SIL1: variants seen among roughly 807,000 people sequenced by gnomAD.
SIL1 encodes the protein SIL1 nucleotide exchange factor.
A neutral mutation model predicts 49.1 loss-of-function variants in SIL1; 40 were observed. The ratio of observed to expected loss-of-function variants is 0.81; its 90% CI spans 0.63 to 1.06. The LOEUF (loss-of-function observed/expected upper bound fraction) is 1.06, where lower values mean the gene tolerates loss of function less well. Ranked by LOEUF, SIL1 falls within the 50% of genes least tolerant of loss-of-function variation. The pLI is 0.00. For synonymous variants in SIL1, 253 were observed against 250.8 expected, an observed-to-expected ratio of 1.01 and a Z score of -0.08; for missense variants, 500 against 572.6, an observed-to-expected ratio of 0.87 and a Z score of 1.29.
intron 7 of SIL1, among the ~76,000 whole-genome samples, chr5:138,977,461 G>A (rs1308313570): frequency 6.6e-6 from 1 of 152,050 alleles, no homozygotes; most frequent in Non-Finnish European, 1.5e-5. Flanking sequence ...GCAATCAGAG[G>A]AATCTTTTTT....
intron 7 of SIL1, among the ~76,000 whole-genome samples, chr5:139,010,004 T>C (rs1768217072): frequency 6.6e-6 from 1 of 152,082 alleles, no homozygotes; most frequent in African/African-American, 2.4e-5. Flanking sequence ...ATCTGAATAT[T>C]GGCCTGCCTT....
intron 5 of SIL1, among the ~76,000 whole-genome samples, chr5:139,040,494 T>C (rs974470990): frequency 2.0e-4 from 21 of 107,344 alleles, no homozygotes; most frequent in Admixed American, 8.8e-4. Context: ...CTTTTTTCTT[T>C]TTTCTTTTTT....
chr5:138,962,303 C>T (rs531524673), intron 7 of SIL1, among the ~76,000 whole-genome samples: 5 of 149,442 alleles, frequency 3.3e-5, no homozygotes, highest in African/African-American at 1.3e-4. Context: ...GGACTTTTTC[C>T]ATTTTTTTTT....
intron 7 of SIL1, among the ~76,000 whole-genome samples, chr5:139,020,840 C>G (rs908407194): frequency 6.6e-6 from 1 of 152,146 alleles, no homozygotes; most frequent in Non-Finnish European, 1.5e-5. Context: ...AGCTTTACTG[C>G]CAAAAGACCT....
At chr5:139,119,290 C>A (rs1750555809) in intron 3 of SIL1, among the ~76,000 whole-genome samples, 1 of 152,166 alleles carries the variant, frequency 6.6e-6, no homozygotes, top group Non-Finnish European at 1.5e-5. Context: ...GCCCCACTGC[C>A]CAGAGGGTTG....
intron 6 of SIL1, 58 bp downstream of exon 6, chr5:139,026,743 G>A: frequency 4.7e-6 from 7 of 1,483,408 alleles, no homozygotes; most frequent in Non-Finnish European, 6.6e-6. Context: ...GCTTAGGGAA[G>A]GGGGATTTAT....
At chr5:138,974,228 C>T (rs1445174748) in intron 7 of SIL1, among the ~76,000 whole-genome samples, 1 of 152,134 alleles carries the variant, frequency 6.6e-6, no homozygotes, top group East Asian at 1.9e-4. Context: ...AGAGGGAAGG[C>T]AGCCTTTATA....
chr5:138,999,292 G>C (rs571257032), intron 7 of SIL1, among the ~76,000 whole-genome samples: 12 of 152,102 alleles, frequency 7.9e-5, no homozygotes, highest in Non-Finnish European at 1.8e-4. Context: ...TTGATTCCTA[G>C]GTATTCTTCA....
At chr5:139,079,473 G>A (rs1770024252) in intron 3 of SIL1, among the ~76,000 whole-genome samples, 1 of 152,106 alleles carries the variant, frequency 6.6e-6, no homozygotes. Context: ...AAAGCTCAAG[G>A]GCCATCTCCA....
chr5:139,048,352 G>A (rs1769212578), intron 4 of SIL1, among the ~76,000 whole-genome samples: 2 of 132,220 alleles, frequency 1.5e-5, no homozygotes, highest in South Asian at 4.9e-4. Context: ...TTTCTGTTTT[G>A]CTTTTTTTTG....
chr5:138,968,384 CCT>C (rs1767196783), intron 7 of SIL1, among the ~76,000 whole-genome samples: 1 of 152,148 alleles, frequency 6.6e-6, no homozygotes, highest in Admixed American at 6.5e-5. Flanking sequence ...GGAGGGAGGA[CCT>C]CTCTTGCCCC....
At chr5:139,027,044 G>C (rs1349261981) in intron 5 of SIL1, 52 bp from the exon 6 acceptor site, 5 of 1,579,270 alleles carry the variant, frequency 3.2e-6, no homozygotes, top group South Asian at 1.1e-5. Context: ...ATCTGCCCAA[G>C]ATGTCTGTGG....
intron 7 of SIL1, among the ~76,000 whole-genome samples, chr5:138,995,469 G>C (rs982184709): frequency 6.6e-6 from 1 of 151,924 alleles, no homozygotes; most frequent in Non-Finnish European, 1.5e-5. Context: ...TCAAACTCCC[G>C]ACCTCAGGTG....
intron 1 of SIL1, among the ~76,000 whole-genome samples, chr5:139,176,927 CTT>C (rs70982757): frequency 1.0e-4 from 10 of 95,806 alleles, no homozygotes; most frequent in East Asian, 3.4e-4. Flanking sequence ...AGCTGAGATT[CTT>C]TTTTTTTTTT....
intron 1 of SIL1, among the ~76,000 whole-genome samples, chr5:139,129,480 G>T (rs1443383147): frequency 1.3e-5 from 2 of 152,090 alleles, no homozygotes; most frequent in Non-Finnish European, 2.9e-5. Flanking sequence ...AGATCATCCT[G>T]GCTAACACAG....
intron 5 of SIL1, among the ~76,000 whole-genome samples, chr5:139,033,927 C>A (rs186566576): frequency 7.9e-5 from 12 of 152,274 alleles, no homozygotes; most frequent in Non-Finnish European, 1.3e-4. Context: ...TTGAAATCCC[C>A]AACTGTAATT....
chr5:139,057,256 C>A (rs1164733590), intron 3 of SIL1, among the ~76,000 whole-genome samples: 1 of 146,124 alleles, frequency 6.8e-6, no homozygotes, highest in African/African-American at 2.6e-5. Flanking sequence ...CTTCCCTCCA[C>A]TATTGTCCTA....
chr5:139,010,286 G>C (rs1241426489), intron 7 of SIL1, among the ~76,000 whole-genome samples: 59 of 148,988 alleles, frequency 4.0e-4, no homozygotes, highest in African/African-American at 1.5e-3. Flanking sequence ...TCTTCACGTA[G>C]TTCTCGAGCC....
At chr5:138,961,235 G>A (rs1767014255) in intron 7 of SIL1, among the ~76,000 whole-genome samples, 1 of 152,162 alleles carries the variant, frequency 6.6e-6, no homozygotes, top group Non-Finnish European at 1.5e-5. Context: ...TCCCCATAAT[G>A]CCATAAAGAT....
Sources: allele counts gnomAD v4.1 joint callset (sites outside exome capture counted in the v4.1 genomes callset), GRCh38; gene constraint gnomAD v4.1.1; transcripts MANE v1.5; gene names NCBI Gene and HGNC (gene_info 2026-07-23, HGNC 2026-07-21).